Variants in STK10 observed in about 807,000 individuals in gnomAD.
STK10 encodes serine/threonine kinase 10.
In STK10, 78 loss-of-function variants were observed where a neutral mutation model predicts 113.8. That is an observed-to-expected ratio of 0.69 (90% CI 0.57 to 0.83). The LOEUF (loss-of-function observed/expected upper bound fraction) is 0.83. STK10 is among the 40% of genes least tolerant of loss of function. The pLI is 0.00. For synonymous variants in STK10, 465 were observed against 494.7 expected (o/e 0.94, Z 0.80); for missense variants, 1,109 against 1,280.1 (o/e 0.87, Z 2.04).
In STK10 at chr5:172,127,386, G is replaced by T; in HGVS notation, c.357C>A (p.Asp119Glu). ...MIEFCPGGAV[D>E]AIMLELDRGL... Reference sequence around the variant, plus strand: ...AGTAAGACTCACCCAGCATGATGGCGTCCACGGCTCCCCCTGGACAGAACT... The same window carrying T: ...AGTAAGACTCACCCAGCATGATGGCTTCCACGGCTCCCCCTGGACAGAACT... The change falls in exon 3 of 19, where the codon GAC becomes GAA. Residue 119 changes from aspartate to glutamate, a missense_variant. This residue lies in a region of STK10 where 120 missense variants were observed against 134.8 expected (regional missense o/e 0.89). Coordinates refer to ENST00000176763, the MANE Select transcript of STK10 (RefSeq NM_005990.4). The T allele has an allele frequency of 6.2e-7, 1 of 1,613,860 alleles. No homozygotes were observed. The highest frequency in any genetic ancestry group is 8.5e-7 in the Non-Finnish European group (1 of 1,179,832).
At chr5:172,129,735 TACTA>T (rs1283443477) in intron 2 of STK10, among the ~76,000 whole-genome samples, 6 of 152,154 alleles carry the variant, frequency 3.9e-5, no homozygotes, top group Non-Finnish European at 8.8e-5. Flanking sequence ...AGAAAAATTC[TACTA>T]ACTGCTAGAA....
chr5:172,131,498 G>A (rs1769756996), intron 2 of STK10, among the ~76,000 whole-genome samples: 1 of 152,318 alleles, frequency 6.6e-6, no homozygotes, highest in South Asian at 2.1e-4. Context: ...AACCTGGCTT[G>A]CTTCCTCTTC....
rs1561783864 is a variant in STK10, at chr5:172,043,499, CTTGT to C, written c.*1379_*1382del. 6.6e-6 allele frequency: 1 copy of C among 152,124 alleles called. No homozygotes were observed. Among genetic ancestry groups the C allele is most frequent in the African/African-American group, 2.4e-5 (1 of 41,412 alleles). The allele number at this position is 152,124 out of a possible 1,614,324, so 9.4% of individuals were successfully genotyped here. ...TCATTACCAGTTTTGTGTTGTTGTT[CTTGT>C]TTGTTGTTTTAAAAAGCAGATATCT... On this transcript the variant is annotated 3_prime_UTR_variant, in exon 19 of 19. Coordinates refer to ENST00000176763, the MANE Select transcript of STK10 (RefSeq NM_005990.4).
In STK10 at chr5:172,103,594, C is replaced by T. The variant is rs551000540; in HGVS notation, c.870+2062G>A. Among the ~76,000 whole-genome samples, 75 of 152,224 alleles carry T rather than the reference C, an allele frequency of 4.9e-4. No homozygotes were observed. In the South Asian group the frequency reaches 8.3e-3, roughly 17 times the overall value. On this transcript the variant is annotated intron_variant, in intron 7 of 18. Transcript: ENST00000176763. Reference sequence around the variant, plus strand: ...CAGCCCCACTCGACCCCACCCACTTCGGGGGGCCCCAGCCCACTCCCAACA... The same window carrying T: ...CAGCCCCACTCGACCCCACCCACTTTGGGGGGCCCCAGCCCACTCCCAACA...
intron 14 of STK10, among the ~76,000 whole-genome samples, chr5:172,058,366 T>C (rs17074264): frequency 0.051 from 7,718 of 152,224 alleles, 444 homozygotes; most frequent in African/African-American, 0.14. Context: ...ATTCAGAATA[T>C]TGAAAACTCA....
At chr5:172,079,224 A>G (rs1768377141) in intron 12 of STK10, among the ~76,000 whole-genome samples, 1 of 152,102 alleles carries the variant, frequency 6.6e-6, no homozygotes, top group African/African-American at 2.4e-5. Flanking sequence ...TTGCTTCCTA[A>G]GCTCCTGCTA....
chr5:172,117,621 C>T lies in STK10; in HGVS notation c.380G>A (p.Arg127Lys), dbSNP rs749761353. 9 of 1,614,050 alleles carry T rather than the reference C, an allele frequency of 5.6e-6. No individual in the cohort carries two copies. In the South Asian group the frequency reaches 8.8e-5, roughly 16 times the overall value. Residue 127 changes from arginine to lysine, a missense_variant, in exon 4 of 19, where the codon AGA becomes AAA. Transcript: ENST00000176763. Reference protein sequence around the residue: ...AVDAIMLELDRGLTEPQIQVV... With the variant: ...AVDAIMLELDKGLTEPQIQVV... ...CTGTATCTGGGGCTCCGTGAGGCCT[C>T]TGTCCAGCTCTGGAAATGGAGGAGA...
intron 3 of STK10, among the ~76,000 whole-genome samples, chr5:172,124,787 A>G (rs992941684): frequency 1.3e-5 from 2 of 152,172 alleles, no homozygotes; most frequent in Non-Finnish European, 2.9e-5. Flanking sequence ...GTCAACTCTT[A>G]TGAACGGTCT....
chr5:172,042,203 GA>G lies in STK10; in HGVS notation c.*2678del, dbSNP rs1285962635. 3 of 152,538 alleles carry G rather than the reference GA, an allele frequency of 2.0e-5. No homozygotes were observed. The highest frequency in any genetic ancestry group is 1.3e-4 in the Admixed American group (2 of 15,264). 9.4% of individuals were successfully genotyped at this position (152,538 alleles called of 1,614,324 possible). ...AAATAATTTCTATCTTTCATAAAGGGAAAATAAAAGTTAGTTACATTTACTC... is the reference window on the plus strand; with the variant it reads ...AAATAATTTCTATCTTTCATAAAGGGAAATAAAAGTTAGTTACATTTACTC... On this transcript the variant is annotated 3_prime_UTR_variant, in exon 19 of 19. Coordinates refer to ENST00000176763, the MANE Select transcript of STK10 (RefSeq NM_005990.4).
At chr5:172,119,882 TAATA>T (rs142386183) in intron 3 of STK10, among the ~76,000 whole-genome samples, 42,744 of 143,914 alleles carry the variant, frequency 0.3, 6,835 homozygotes, top group African/African-American at 0.5. Context: ...AATAAATAAA[TAATA>T]AATAAACAAA....
chr5:172,090,091 G>T, intron 10 of STK10, 141 bp downstream of exon 10: 1 of 1,240,088 alleles, frequency 8.1e-7, no homozygotes, highest in Non-Finnish European at 1.1e-6. Context: ...AGGATCGCAG[G>T]CAAAATGAGT....
In STK10 at chr5:172,097,825, T is replaced by C. The variant is rs760067546; in HGVS notation, c.871-1265A>G. Among the ~76,000 whole-genome samples, 68 of 152,300 alleles carry C rather than the reference T, an allele frequency of 4.5e-4. 1 individual carries two copies. Among genetic ancestry groups the C allele is most frequent in the Non-Finnish European group, 7.6e-4 (52 of 68,020 alleles). ...GTTCTATTCTAGGTTTTTATACAAA[T>C]GTCAGAGTCTTATTTAAAAGTGAAT... On this transcript the variant is annotated intron_variant, in intron 7 of 18. Coordinates refer to ENST00000176763, the MANE Select transcript of STK10 (RefSeq NM_005990.4).
At chr5:172,059,995 T>C (rs1581134924) in intron 14 of STK10, among the ~76,000 whole-genome samples, 1 of 152,110 alleles carries the variant, frequency 6.6e-6, no homozygotes, top group Non-Finnish European at 1.5e-5. Context: ...CCTCCCCAAA[T>C]GTGTATGTTG....
At chr5:172,177,905 G>A (rs1045832662) in intron 1 of STK10, among the ~76,000 whole-genome samples, 4 of 152,128 alleles carry the variant, frequency 2.6e-5, no homozygotes, top group South Asian at 4.1e-4. Flanking sequence ...TCAGCTCACT[G>A]CAACCTCTGC....
At chr5:172,102,872 A>C (rs1769020486) in intron 7 of STK10, among the ~76,000 whole-genome samples, 1 of 134,474 alleles carries the variant, frequency 7.4e-6, no homozygotes, top group South Asian at 2.3e-4. Context: ...CACTCTCTAC[A>C]TCTTACAGAT....
Position 172,120,403 on chromosome 5 carries a change from A to AGACCAGGGCTCCTG in STK10, c.371-2787_371-2774dup, listed in dbSNP as rs1242726191. Reference sequence around the variant, plus strand: ...GCCCTGCTCTGGGAAGCCAGGCCCCAGACCAGGGCTCCTGGACCAGGGACC... The same window carrying AGACCAGGGCTCCTG: ...GCCCTGCTCTGGGAAGCCAGGCCCCAGACCAGGGCTCCTGGACCAGGGCTCCTGGACCAGGGACC... On this transcript the variant is annotated intron_variant, in intron 3 of 18. Transcript: ENST00000176763. This position sits in a 1 kb window ranked among gnomAD's most constrained non-coding sequence, Gnocchi z 4.0. Among the ~76,000 whole-genome samples, 2 of 152,172 alleles carry AGACCAGGGCTCCTG rather than the reference A, an allele frequency of 1.3e-5. No homozygotes were observed. Among genetic ancestry groups the AGACCAGGGCTCCTG allele is most frequent in the Non-Finnish European group, 2.9e-5 (2 of 68,022 alleles).
At chr5:172,181,291 C>A (rs2113844001) in intron 1 of STK10, among the ~76,000 whole-genome samples, 1 of 152,264 alleles carries the variant, frequency 6.6e-6, no homozygotes. Context: ...AGATTCTGAA[C>A]TTTTTTTAAA....
chr5:172,097,500 A>G (rs1012406271), intron 7 of STK10, among the ~76,000 whole-genome samples: 9 of 152,188 alleles, frequency 5.9e-5, no homozygotes, highest in African/African-American at 2.2e-4. Context: ...CTAGAAACAG[A>G]GCATCGTGTG....
At chr5:172,057,723 G>A (rs1767840690) in intron 14 of STK10, among the ~76,000 whole-genome samples, 1 of 152,296 alleles carries the variant, frequency 6.6e-6, no homozygotes, top group South Asian at 2.1e-4. Context: ...TCAAAGTCAG[G>A]AGCCACAGAA....
Sources: gnomAD v4.1 joint callset for allele counts (sites outside exome capture counted in the v4.1 genomes callset) on GRCh38, gnomAD v4.1.1 for gene constraint, gnomAD v4.1.1 regional missense constraint, Gnocchi (gnomAD v3.1) non-coding constraint, MANE v1.5 for transcripts, NCBI Gene and HGNC (gene_info 2026-07-23, HGNC 2026-07-21) for gene names.